CDH12: variants seen among roughly 807,000 people sequenced by gnomAD.
CDH12 encodes cadherin 12.
CDH12 carries 41 observed loss-of-function variants against 74.1 expected under a neutral mutation model. The observed-to-expected ratio is 0.55, with a 90% CI of 0.43 to 0.72. The LOEUF is 0.72. Among genes scored for constraint, CDH12 ranks in the 30% least tolerant of loss-of-function variants. The pLI is 0.00. For missense variants in CDH12, 945 were observed against 977.2 expected, an observed-to-expected ratio of 0.97 and a Z score of 0.44; for synonymous variants, 399 against 355.0, an observed-to-expected ratio of 1.12 and a Z score of -1.39.
At chr5:22,380,207 C>T (rs554644127) in intron 3 of CDH12, among the ~76,000 whole-genome samples, 3 of 152,150 alleles carry the variant, frequency 2.0e-5, no homozygotes, top group South Asian at 2.1e-4. Context: ...AGTTAATAGA[C>T]TTCAAAAGTG....
intron 1 of CDH12, among the ~76,000 whole-genome samples, chr5:22,695,217 AT>A (rs1561583020): frequency 6.6e-6 from 1 of 152,078 alleles, no homozygotes; most frequent in Non-Finnish European, 1.5e-5. Context: ...TATGTGCCAC[AT>A]TTATTTATTA....
chr5:22,496,118 A>T (rs998828224), intron 2 of CDH12, among the ~76,000 whole-genome samples: 1 of 152,260 alleles, frequency 6.6e-6, no homozygotes, highest in East Asian at 1.9e-4. Flanking sequence ...GTAACTTGTC[A>T]CTACTGATAA....
rs1467068176 is a variant in CDH12 at position 22,577,327 on chromosome 5, A to G, written c.-522-71963T>C. Among the ~76,000 whole-genome samples, 4 of 152,344 alleles carry G rather than the reference A, an allele frequency of 2.6e-5. No individual in the cohort carries two copies. In the East Asian group the frequency reaches 7.7e-4, roughly 29 times the overall value. ...TTTAAATTATAGAACGGATAAGTGA[A>G]TATGACTGCAGTTATGAGAAAAAGC... On this transcript the variant is annotated intron_variant, in intron 1 of 14. Transcript: ENST00000382254.
rs1751593033 is a variant in CDH12, at chr5:22,212,375, C to T, written c.-187+123G>A. ...CGCCGTTTTCACTCCAGGAAACTTG[C>T]TTATAAATTAAGCTTTTCCTGACAC... is the stretch of plus-strand genomic sequence containing the variant. On this transcript the variant is annotated intron_variant, in intron 4 of 14. Coordinates refer to ENST00000382254, the MANE Select transcript of CDH12 (RefSeq NM_004061.5). 8.6e-6 allele frequency: 3 copies of T among 350,198 alleles called. No homozygotes were observed. The South Asian group carries it at 3.4e-4, about 40-fold the overall frequency. 21.7% of individuals were successfully genotyped at this position (350,198 alleles called of 1,614,324 possible).
chr5:22,687,053 C>A (rs146276094), intron 1 of CDH12, among the ~76,000 whole-genome samples: 2 of 152,046 alleles, frequency 1.3e-5, no homozygotes, highest in African/African-American at 4.8e-5. Context: ...CCCAGCACTT[C>A]GGGAGGCTAA....
At chr5:22,342,638 C>T (rs113634692) in intron 3 of CDH12, among the ~76,000 whole-genome samples, 7 of 43,796 alleles carry the variant, frequency 1.6e-4, no homozygotes, top group South Asian at 2.7e-3. Context: ...CTATTTCTTT[C>T]TCTTTCTTAT....
intron 1 of CDH12, among the ~76,000 whole-genome samples, chr5:22,740,362 T>C (rs1040859148): frequency 1.3e-5 from 2 of 152,010 alleles, no homozygotes; most frequent in Non-Finnish European, 2.9e-5. Flanking sequence ...ATTGTTCTTT[T>C]ATAGACACAT....
At chr5:21,886,154 T>C (rs1401380109) in intron 6 of CDH12, among the ~76,000 whole-genome samples, 1 of 152,190 alleles carries the variant, frequency 6.6e-6, no homozygotes, top group Non-Finnish European at 1.5e-5. Flanking sequence ...TTTGATTCTC[T>C]ATTTAAAGTG....
At chr5:22,359,821 T>G (rs1033324938) in intron 3 of CDH12, among the ~76,000 whole-genome samples, 12 of 152,158 alleles carry the variant, frequency 7.9e-5, no homozygotes, top group African/African-American at 2.9e-4. Flanking sequence ...AACCTGCTCC[T>G]GAATGAGTAC....
chr5:22,815,782 A>AAAT (rs1554005541), intron 1 of CDH12, among the ~76,000 whole-genome samples: 3 of 148,870 alleles, frequency 2.0e-5, no homozygotes, highest in African/African-American at 4.9e-5. Flanking sequence ...AAAAAAAAAA[A>AAAT]AAATAAATAA....
At chr5:22,475,851 T>A (rs1417398691) in intron 2 of CDH12, among the ~76,000 whole-genome samples, 3 of 152,096 alleles carry the variant, frequency 2.0e-5, no homozygotes, top group African/African-American at 7.2e-5. Flanking sequence ...GTATTAGCTG[T>A]AATTTACCTG....
chr5:22,531,007 T>C (rs929513228), intron 1 of CDH12, among the ~76,000 whole-genome samples: 1 of 152,158 alleles, frequency 6.6e-6, no homozygotes, highest in Non-Finnish European at 1.5e-5. Context: ...CTCTGGTGTC[T>C]TTTTTACATG....
At position 22,590,785 on chromosome 5, in the gene CDH12, G is replaced by C. The variant is rs190884040; in HGVS notation, c.-522-85421C>G. Reference sequence around the variant, plus strand: ...CTCCGAGTATTACACCCCAGTCAGGGCCTATTTGCAGGTCTGTTCTATTGC... The same window carrying C: ...CTCCGAGTATTACACCCCAGTCAGGCCCTATTTGCAGGTCTGTTCTATTGC... On this transcript the variant is annotated intron_variant, in intron 1 of 14. Transcript: ENST00000382254. Among the ~76,000 whole-genome samples the C allele has an allele frequency of 2.9e-4, 44 of 152,150 alleles. No individual in the cohort carries two copies. The East Asian group carries it at 2.9e-3, about 10-fold the overall frequency.
intron 6 of CDH12, chr5:21,884,388 C>T (rs1752519475): frequency 6.9e-6 from 7 of 1,019,338 alleles, no homozygotes; most frequent in Middle Eastern, 3.0e-4. Flanking sequence ...CCAATAACTT[C>T]AGAGAAGTCA....
At chr5:21,799,360 G>T (rs765122959) in intron 10 of CDH12, among the ~76,000 whole-genome samples, 18 of 152,084 alleles carry the variant, frequency 1.2e-4, no homozygotes, top group Non-Finnish European at 2.1e-4. Context: ...AAATAAAGAT[G>T]AATTTTTTAA....
rs1752496055 is a variant in CDH12, at chr5:21,883,941, T to G, written c.527-29151A>C. On this transcript the variant is annotated intron_variant, in intron 6 of 14. Transcript: ENST00000382254. ...TGCCCTCCTTCGATGCATTCCAGCC[T>G]TGGACTCATTGACTCCAGCTAATGA... The G allele has an allele frequency of 2.5e-6, 4 of 1,607,730 alleles. No homozygotes were observed. The Admixed American group carries it at 6.7e-5, about 27-fold the overall frequency.
At chr5:22,721,801 A>G (rs553415400) in intron 1 of CDH12, among the ~76,000 whole-genome samples, 22 of 152,236 alleles carry the variant, frequency 1.4e-4, no homozygotes, top group Admixed American at 3.9e-4. Context: ...GTGAGTTTTC[A>G]TGATATCTGT....
intron 5 of CDH12, among the ~76,000 whole-genome samples, chr5:22,052,189 T>C (rs969046597): frequency 2.0e-5 from 3 of 152,156 alleles, no homozygotes; most frequent in Non-Finnish European, 2.9e-5. Context: ...CGCTGTCTAT[T>C]ACATTTTATT....
chr5:21,883,923 C>T lies in CDH12; in HGVS notation c.527-29133G>A, dbSNP rs1339967059. On this transcript the variant is annotated intron_variant, in intron 6 of 14. Transcript: ENST00000382254. ...TGTTTTGGGAGGGGGTTTTGCCCTC[C>T]TTCGATGCATTCCAGCCTTGGACTC... 5.0e-6 allele frequency: 8 copies of T among 1,608,602 alleles called. No homozygotes were observed. In the African/African-American group the frequency reaches 8.0e-5, roughly 16 times the overall value.
Sources: gnomAD v4.1 joint callset for allele counts (sites outside exome capture counted in the v4.1 genomes callset) on GRCh38, gnomAD v4.1.1 for gene constraint, MANE v1.5 for transcripts, NCBI Gene and HGNC (gene_info 2026-07-23, HGNC 2026-07-21) for gene names.